MGST2: variants seen among roughly 807,000 people sequenced by gnomAD.
MGST2 encodes microsomal glutathione S-transferase 2, also known as glutathione peroxidase MGST2.
A neutral mutation model predicts 16.6 loss-of-function variants in MGST2; 9 were observed. The ratio of observed to expected loss-of-function variants is 0.54; its 90% CI spans 0.33 to 0.95. The LOEUF (loss-of-function observed/expected upper bound fraction) is 0.95, where lower values mean the gene tolerates loss of function less well. MGST2 is among the 40% of genes least tolerant of loss of function. The pLI is 0.03. For missense variants in MGST2, 159 were observed against 175.1 expected, an observed-to-expected ratio of 0.91 and a Z score of 0.52; for synonymous variants, 79 against 68.0, an observed-to-expected ratio of 1.16 and a Z score of -0.79.
intron 5 of MGST2, chr4:139,717,115 A>AAAT (rs1199934746): frequency 2.6e-5 from 4 of 152,536 alleles, no homozygotes; most frequent in Admixed American, 2.0e-4. Flanking sequence ...ACTTATGTAC[A>AAAT]AATAACTTTT....
At chr4:139,691,633 G>A (rs905227792) in intron 2 of MGST2, among the ~76,000 whole-genome samples, 4 of 151,152 alleles carry the variant, frequency 2.6e-5, no homozygotes, top group Non-Finnish European at 5.9e-5. Flanking sequence ...AGGGAAGACT[G>A]TCAGCAACAA....
chr4:139,748,053 T>TAAAAA, the MGST2 span, among the ~76,000 whole-genome samples: 13 of 95,524 alleles, frequency 1.4e-4, no homozygotes, highest in African/African-American at 4.0e-4. Context: ...AGACTTCGTC[T>TAAAAA]AAAAAAAAAA....
intron 1 of MGST2, among the ~76,000 whole-genome samples, chr4:139,675,146 AT>A (rs926702870): frequency 2.0e-5 from 3 of 152,158 alleles, no homozygotes; most frequent in African/African-American, 7.2e-5. Flanking sequence ...ACTCTGTCTT[AT>A]TTGGGTGACT....
chr4:139,707,950 A>G (rs1727585265), downstream of MGST2, among the ~76,000 whole-genome samples: 1 of 151,456 alleles, frequency 6.6e-6, no homozygotes, highest in East Asian at 1.9e-4. Flanking sequence ...TAGATTCTGG[A>G]TATTAGCCCT....
chr4:139,718,834 C>A (rs1471973017), intron 5 of MGST2: 1 of 160,354 alleles, frequency 6.2e-6, no homozygotes, highest in African/African-American at 2.4e-5. Context: ...CATTTCCAAC[C>A]TGTGCACCTG....
intron 5 of MGST2, among the ~76,000 whole-genome samples, chr4:139,716,466 G>C (rs1727964306): frequency 6.6e-6 from 1 of 152,104 alleles, no homozygotes; most frequent in Non-Finnish European, 1.5e-5. Flanking sequence ...AATTGTTATG[G>C]TACTGAATCT....
intron 2 of MGST2, among the ~76,000 whole-genome samples, chr4:139,689,022 A>T (rs1250546390): frequency 2.7e-5 from 4 of 146,652 alleles, no homozygotes; most frequent in South Asian, 4.3e-4. Flanking sequence ...CAGGAGAATC[A>T]TTTGAACCCA....
intron 5 of MGST2, among the ~76,000 whole-genome samples, chr4:139,737,903 T>C (rs1729007340): frequency 6.6e-6 from 1 of 152,242 alleles, no homozygotes; most frequent in South Asian, 2.1e-4. Flanking sequence ...TTGTGATGTG[T>C]GATGGTTGTG....
intron 5 of MGST2, among the ~76,000 whole-genome samples, chr4:139,727,710 A>G (rs1728532601): frequency 6.6e-6 from 1 of 152,212 alleles, no homozygotes; most frequent in South Asian, 2.1e-4. Flanking sequence ...ATTCATGCCT[A>G]CTTTCAACCT....
At chr4:139,689,824 G>C (rs1401178929) in intron 2 of MGST2, among the ~76,000 whole-genome samples, 1 of 152,172 alleles carries the variant, frequency 6.6e-6, no homozygotes, top group Admixed American at 6.5e-5. Context: ...GTTGCATATT[G>C]TGTTCGTTGG....
chr4:139,713,473 CAG>C (rs781338641), intron 5 of MGST2, among the ~76,000 whole-genome samples: 1,411 of 4,084 alleles, frequency 0.35, 302 homozygotes, highest in Non-Finnish European at 0.37. Context: ...AGTGGCAAGA[CAG>C]AAAAAAAAAA....
intron 3 of MGST2, among the ~76,000 whole-genome samples, chr4:139,696,967 C>T (rs554786935): frequency 6.6e-6 from 1 of 151,996 alleles, no homozygotes; most frequent in Admixed American, 6.5e-5. Flanking sequence ...ATGCCTTCCA[C>T]GTTGAACTCA....
chr4:139,747,424 T>C, the MGST2 span, among the ~76,000 whole-genome samples: 6 of 152,234 alleles, frequency 3.9e-5, no homozygotes, highest in Non-Finnish European at 8.8e-5. Flanking sequence ...TCGGGCACAG[T>C]GGCTCACGCC....
chr4:139,704,529 G>A (rs908397470), downstream of MGST2, among the ~76,000 whole-genome samples: 4 of 152,174 alleles, frequency 2.6e-5, no homozygotes, highest in Admixed American at 2.6e-4. Flanking sequence ...CCTTTCATTG[G>A]TTATAGGAAA....
At chr4:139,731,806 G>A (rs1728738443) in intron 5 of MGST2, among the ~76,000 whole-genome samples, 2 of 152,206 alleles carry the variant, frequency 1.3e-5, no homozygotes, top group African/African-American at 4.8e-5. Flanking sequence ...CATGGAGAAT[G>A]TGCTCAAAGG....
chr4:139,731,361 G>T (rs1238386172), intron 5 of MGST2: 1 of 147,134 alleles, frequency 6.8e-6, no homozygotes, highest in Non-Finnish European at 1.5e-5. Flanking sequence ...TACTTTGGGA[G>T]GCCCAGTACT....
intron 3 of MGST2, among the ~76,000 whole-genome samples, chr4:139,702,844 G>GTTTTTTTTGTTTTTTTTTTTTTT (rs1727327915): frequency 4.3e-5 from 2 of 46,424 alleles, no homozygotes; most frequent in Non-Finnish European, 8.9e-5. Context: ...TGTGTTACTG[G>GTTTTTTTTGTTTTTTTTTTTTTT]TTTTTTTTTT....
chr4:139,733,466 G>C (rs984306804), intron 5 of MGST2, among the ~76,000 whole-genome samples: 2 of 150,648 alleles, frequency 1.3e-5, no homozygotes, highest in East Asian at 3.9e-4. Context: ...GGAAAAGAAA[G>C]AGAGAGGCAA....
At chr4:139,694,695 G>A (rs897226780) in intron 2 of MGST2, among the ~76,000 whole-genome samples, 1 of 152,180 alleles carries the variant, frequency 6.6e-6, no homozygotes, top group Middle Eastern at 3.2e-3. Flanking sequence ...TGCAATGCAT[G>A]TCAGTCTGGG....
Sources: gnomAD v4.1 joint callset for allele counts (sites outside exome capture counted in the v4.1 genomes callset) on GRCh38, gnomAD v4.1.1 for gene constraint, MANE v1.5 for transcripts, NCBI Gene and HGNC (gene_info 2026-07-23, HGNC 2026-07-21) for gene names.